COL14A1: variants seen among roughly 807,000 people sequenced by gnomAD.
The protein encoded by COL14A1 is collagen type XIV alpha 1 chain, also known as collagen alpha-1(XIV) chain.
Under a neutral mutation model 230.3 loss-of-function variants are expected in COL14A1, and 136 were observed. The observed-to-expected ratio is 0.59, with a 90% CI of 0.51 to 0.68. The LOEUF is 0.68. Among genes scored for constraint, COL14A1 ranks in the 30% least tolerant of loss-of-function variants. The probability of loss-of-function intolerance (pLI) is 0.00; values close to 1 mark genes in which losing one functional copy is unlikely to be tolerated. For synonymous variants in COL14A1, 792 were observed against 784.1 expected (o/e 1.01, Z -0.17); for missense variants, 1,976 against 2,215.8 (o/e 0.89, Z 2.17).
intron 3 of COL14A1, among the ~76,000 whole-genome samples, chr8:120,158,604 A>C (rs1476290910): frequency 6.6e-6 from 1 of 152,218 alleles, no homozygotes; most frequent in Non-Finnish European, 1.5e-5. Flanking sequence ...TCAATAGAAT[A>C]ATATTCAGCA....
At chr8:120,368,220 T>C (rs1479056458) in intron 46 of COL14A1, among the ~76,000 whole-genome samples, 1 of 152,116 alleles carries the variant, frequency 6.6e-6, no homozygotes. Context: ...ATTATTATAA[T>C]TTGCAATCTT....
intron 14 of COL14A1, among the ~76,000 whole-genome samples, chr8:120,221,388 C>G (rs977871652): frequency 6.6e-6 from 1 of 152,070 alleles, no homozygotes; most frequent in African/African-American, 2.4e-5. Flanking sequence ...AAAATCAGTT[C>G]TGGGACTAAT....
At chr8:120,203,438 C>CT (rs1273194374) in intron 8 of COL14A1, among the ~76,000 whole-genome samples, 35 of 151,966 alleles carry the variant, frequency 2.3e-4, no homozygotes, top group African/African-American at 8.2e-4. Context: ...TCGCTCTTCC[C>CT]TTTTTTTGCT....
chr8:120,359,036 G>A (rs1823089096), intron 45 of COL14A1, among the ~76,000 whole-genome samples: 1 of 151,602 alleles, frequency 6.6e-6, no homozygotes, highest in African/African-American at 2.4e-5. Flanking sequence ...AAAACATAAT[G>A]AGTATCCTTG....
intron 45 of COL14A1, among the ~76,000 whole-genome samples, chr8:120,358,339 A>G (rs1823057714): frequency 6.6e-6 from 1 of 152,110 alleles, no homozygotes; most frequent in Non-Finnish European, 1.5e-5. Flanking sequence ...ATTGTCCCCC[A>G]AAACAAATTT....
chr8:120,206,165 A>G (rs909853421), intron 9 of COL14A1, among the ~76,000 whole-genome samples: 12 of 152,162 alleles, frequency 7.9e-5, no homozygotes, highest in East Asian at 3.9e-4. Context: ...CCAGATATCA[A>G]TGTCAACTCT....
intron 5 of COL14A1, among the ~76,000 whole-genome samples, chr8:120,196,437 G>A (rs1423058098): frequency 6.6e-6 from 1 of 152,150 alleles, no homozygotes; most frequent in Non-Finnish European, 1.5e-5. Context: ...CGGCTGACTG[G>A]CACACGCTGG....
chr8:120,370,246 C>T, intron 47 of COL14A1: 3 of 1,347,538 alleles, frequency 2.2e-6, no homozygotes, highest in East Asian at 2.4e-5. Context: ...TTAGTTATCA[C>T]AGGAATTGGT....
At chr8:120,370,439 C>G in intron 47 of COL14A1, 1 of 1,554,870 alleles carries the variant, frequency 6.4e-7, no homozygotes, top group Non-Finnish European at 8.7e-7. Flanking sequence ...TCCTGTCAAC[C>G]ACCACCACCA....
chr8:120,149,563 A>G (rs1586717604), intron 2 of COL14A1, among the ~76,000 whole-genome samples: 2 of 152,334 alleles, frequency 1.3e-5, no homozygotes, highest in South Asian at 2.1e-4. Context: ...CAGAGTTGCT[A>G]TCTCAGTCTA....
intron 1 of COL14A1, among the ~76,000 whole-genome samples, chr8:120,141,423 A>G (rs944952981): frequency 2.0e-5 from 3 of 152,142 alleles, no homozygotes; most frequent in Admixed American, 6.5e-5. Flanking sequence ...GCACATGCCT[A>G]TAGTCCAGCT....
rs1404156386 is a variant in COL14A1, at chr8:120,228,724, A to G, written c.2152A>G (p.Thr718Ala). 6 of 1,613,886 alleles carry G rather than the reference A, an allele frequency of 3.7e-6. No homozygotes were observed. The highest frequency in any genetic ancestry group is 5.1e-6 in the Non-Finnish European group (6 of 1,179,818). The change falls in exon 18 of 48, where the codon ACA (threonine) becomes GCA (alanine). Residue 718 changes from threonine (T) to alanine (A), a missense_variant. This residue lies in a region of COL14A1 where 1,791 missense variants were observed against 2,019.5 expected (regional missense o/e 0.89). Coordinates refer to ENST00000297848, the MANE Select transcript of COL14A1 (RefSeq NM_021110.4). ...ATTGCTTTTAGTTGACAGTTTTTGG[A>G]CAGAACCAGCTACAACCATAGTGCC... ...AVGTTLDSFW[T>A]EPATTIVPTT...
At position 120,280,848 on chromosome 8, in the gene COL14A1, A is replaced by G. The variant is rs559962202; in HGVS notation, c.3686-73A>G. On this transcript the variant is annotated intron_variant, in intron 30 of 47. Coordinates refer to ENST00000297848, the MANE Select transcript of COL14A1 (RefSeq NM_021110.4). ...TTGTTTTTAAATCCTTAATAGAAAA[A>G]TATTAAAATTTAAAATTCTAAAGTG... 1.0e-5 allele frequency: 15 copies of G among 1,481,130 alleles called. No homozygotes were observed. The South Asian group carries it at 2.0e-4, about 19-fold the overall frequency. 91.7% of individuals were successfully genotyped at this position (1,481,130 alleles called of 1,614,324 possible). A position where few individuals can be genotyped will look rare whatever the true frequency, so the allele number is the denominator to read the frequency against.
chr8:120,354,744 ATGT>A (rs1351871522), intron 45 of COL14A1, among the ~76,000 whole-genome samples: 10 of 152,290 alleles, frequency 6.6e-5, no homozygotes, highest in Middle Eastern at 3.4e-3. Context: ...CCAGTGGCTA[ATGT>A]TGTTCAAGTT....
At chr8:120,225,550 A>G (rs1258954994) in intron 15 of COL14A1, among the ~76,000 whole-genome samples, 3 of 152,144 alleles carry the variant, frequency 2.0e-5, no homozygotes, top group African/African-American at 7.2e-5. Context: ...GAGTGTGTGT[A>G]TTAAGTTGAA....
At position 120,184,647 on chromosome 8, in the gene COL14A1, C is replaced by T. The variant is rs1292338740; in HGVS notation, c.437-12144C>T. ...TCAAGCTGGAGATCTGGGAGAGTGA[C>T]CATGTAGTTTCAGTTCAAATCCAAT... On this transcript the variant is annotated intron_variant, in intron 5 of 47. Coordinates refer to ENST00000297848, the MANE Select transcript of COL14A1 (RefSeq NM_021110.4). Among the ~76,000 whole-genome samples, 3 of 152,138 alleles carry T rather than the reference C, an allele frequency of 2.0e-5. No homozygotes were observed. In the East Asian group the frequency reaches 5.8e-4, roughly 29 times the overall value.
At chr8:120,339,615 T>C (rs1404587381) in intron 42 of COL14A1, among the ~76,000 whole-genome samples, 1 of 152,168 alleles carries the variant, frequency 6.6e-6, no homozygotes, top group Non-Finnish European at 1.5e-5. Flanking sequence ...AGCTTGCAGG[T>C]CCAATGTCCT....
At chr8:120,222,577 C>A (rs1286624894) in intron 14 of COL14A1, among the ~76,000 whole-genome samples, 1 of 152,136 alleles carries the variant, frequency 6.6e-6, no homozygotes, top group Non-Finnish European at 1.5e-5. Context: ...CAGTACAGCA[C>A]AATGGTACAG....
chr8:120,334,991 AG>A (rs1822002667), intron 42 of COL14A1, among the ~76,000 whole-genome samples: 1 of 152,202 alleles, frequency 6.6e-6, no homozygotes, highest in East Asian at 1.9e-4. Context: ...TTTGTGCATG[AG>A]GTTCTTATTC....
Sources: gnomAD v4.1 joint callset for allele counts (sites outside exome capture counted in the v4.1 genomes callset) on GRCh38, gnomAD v4.1.1 for gene constraint, gnomAD v4.1.1 regional missense constraint, MANE v1.5 for transcripts, NCBI Gene and HGNC (gene_info 2026-07-23, HGNC 2026-07-21) for gene names.